The following TCF20 variants were observed in gnomAD, a reference collection of about 807,000 sequenced individuals.
The protein encoded by TCF20 is transcription factor 20.
Under a neutral mutation model 148.6 loss-of-function variants are expected in TCF20, and 3 were observed. The ratio of observed to expected loss-of-function variants is 0.02; its 90% CI spans 0.01 to 0.05. TCF20 has a LOEUF of 0.05. Ranked by LOEUF, TCF20 falls within the 10% of genes least tolerant of loss-of-function variation. TCF20 has a pLI of 1.00. For synonymous variants in TCF20, 1,049 were observed against 909.5 expected, an observed-to-expected ratio of 1.15 and a Z score of -2.76; for missense variants, 2,350 against 2,429.3, an observed-to-expected ratio of 0.97 and a Z score of 0.69.
At chr22:42,343,250 T>A (rs906947639) in intron 1 of TCF20, among the ~76,000 whole-genome samples, 1 of 152,024 alleles carries the variant, frequency 6.6e-6, no homozygotes, top group Non-Finnish European at 1.5e-5. Context: ...ATCTGTACAA[T>A]GGGGACAAAC....
upstream of TCF20, among the ~76,000 whole-genome samples, chr22:42,271,332 C>T (rs998057315): frequency 1.3e-5 from 2 of 152,258 alleles, no homozygotes; most frequent in Non-Finnish European, 2.9e-5. Context: ...CTGCCTTCTG[C>T]TGCGGCATTA....
chr22:42,309,947 T>C (rs1927503641), intron 1 of TCF20, among the ~76,000 whole-genome samples: 1 of 152,202 alleles, frequency 6.6e-6, no homozygotes, highest in African/African-American at 2.4e-5. Flanking sequence ...ACACTGGCCC[T>C]AATCTTACCC....
intron 1 of TCF20, among the ~76,000 whole-genome samples, chr22:42,249,506 T>A (rs1255475170): frequency 6.6e-6 from 1 of 152,210 alleles, no homozygotes; most frequent in Non-Finnish European, 1.5e-5. Flanking sequence ...GCAAAAAGGC[T>A]CTGATAAGTG....
intron 1 of TCF20, among the ~76,000 whole-genome samples, chr22:42,306,530 GTGCCCGTGGAACCCA>G (rs1927437645): frequency 1.3e-5 from 2 of 152,188 alleles, no homozygotes; most frequent in African/African-American, 2.4e-5. Context: ...GGCCTCCACT[GTGCCCGTGGAACCCA>G]TGGCTCACAG....
intron 1 of TCF20, among the ~76,000 whole-genome samples, chr22:42,336,715 C>T (rs1181833873): frequency 6.6e-6 from 1 of 152,208 alleles, no homozygotes; most frequent in African/African-American, 2.4e-5. Context: ...CTCCTTTCTG[C>T]CCCACACCCA....
chr22:42,184,320 C>T (rs1457933722), intron 2 of TCF20, among the ~76,000 whole-genome samples: 3 of 152,136 alleles, frequency 2.0e-5, no homozygotes, highest in East Asian at 1.9e-4. Context: ...TCATACCATA[C>T]CATGACGCCT....
chr22:42,275,475 C>T (rs956314192), upstream of TCF20, among the ~76,000 whole-genome samples: 5 of 152,208 alleles, frequency 3.3e-5, no homozygotes, highest in Admixed American at 2.6e-4. Context: ...AGTGGCTGGA[C>T]TCTCATCGGG....
chr22:42,270,507 G>GGCTCGCTCCGGCCCGCGC lies in TCF20; in HGVS notation c.-223_-206dup, dbSNP rs948945357. On this transcript the variant is annotated 5_prime_UTR_variant, in exon 1 of 6. Transcript: ENST00000677622. The stretch of plus-strand genomic sequence containing the variant: ...GCGGGCCGGGGCCGCGGCCCCTCGA[G>GGCTCGCTCCGGCCCGCGC]GCTCGCTCCGGCCCGCGCGCTCGCT... 2.8e-5 allele frequency among the ~76,000 whole-genome samples: 4 copies of GGCTCGCTCCGGCCCGCGC among 145,176 alleles called. No homozygotes were observed. The highest frequency in any genetic ancestry group is 9.9e-5 in the African/African-American group (4 of 40,546).
chr22:42,183,348 C>T (rs1936872515), intron 2 of TCF20, among the ~76,000 whole-genome samples: 1 of 152,106 alleles, frequency 6.6e-6, no homozygotes, highest in African/African-American at 2.4e-5. Flanking sequence ...AGTCAAGGAC[C>T]TTGAGATGGG....
chr22:42,300,836 C>T (rs1368664288), intron 1 of TCF20, among the ~76,000 whole-genome samples: 1 of 152,192 alleles, frequency 6.6e-6, no homozygotes, highest in East Asian at 1.9e-4. Flanking sequence ...CCTCCTCCCC[C>T]TGCCAAGACC....
rs781355092 is a variant in TCF20, at chr22:42,212,804, G to C, written c.2502C>G (p.Ile834Met). ...TGGGAATTGGATAGTCAGTCAAATTGATCTGTTTCATTTCAGGAGCTGTGC... is the reference window on the plus strand; with the variant it reads ...TGGGAATTGGATAGTCAGTCAAATTCATCTGTTTCATTTCAGGAGCTGTGC... ...SSSTAPEMKQ[I>M]NLTDYPIPRK... Residue 834 changes from isoleucine (I) to methionine (M), a missense_variant, in exon 2 of 6, where the codon ATC (isoleucine) becomes ATG (methionine). Physicochemically the swap from Ile to Met is conservative, Grantham distance 10. Around this residue, in one of 7 missense-constraint regions of TCF20, gnomAD observed 1,641 missense variants for 1,662.6 expected, o/e 0.99. Transcript: ENST00000677622. 11 of 1,614,190 alleles carry C rather than the reference G, an allele frequency of 6.8e-6. No homozygotes were observed. The highest frequency in any genetic ancestry group is 2.2e-5 in the South Asian group (2 of 91,082).
At chr22:42,328,196 G>A (rs778341583) in intron 1 of TCF20, among the ~76,000 whole-genome samples, 19 of 152,098 alleles carry the variant, frequency 1.2e-4, no homozygotes, top group Non-Finnish European at 2.2e-4. Flanking sequence ...CTCTACTCGG[G>A]AGAACCACAC....
chr22:42,275,766 G>A (rs1279776496), intron 1 of TCF20, among the ~76,000 whole-genome samples: 1 of 152,154 alleles, frequency 6.6e-6, no homozygotes, highest in African/African-American at 2.4e-5. Flanking sequence ...TCAGTCTTCT[G>A]GCTCCAAAGC....
intron 1 of TCF20, among the ~76,000 whole-genome samples, chr22:42,312,904 C>G (rs377307879): frequency 1.3e-5 from 2 of 152,318 alleles, no homozygotes; most frequent in African/African-American, 4.8e-5. Context: ...CTGCAGAGCC[C>G]AGGGGAAAGG....
chr22:42,222,158 C>G (rs1425960955), intron 1 of TCF20, among the ~76,000 whole-genome samples: 2 of 152,148 alleles, frequency 1.3e-5, no homozygotes, highest in African/African-American at 4.8e-5. Context: ...TTCTAAAAGA[C>G]AACAAATGCA....
At chr22:42,161,554 T>C (rs1935461161) in intron 5 of TCF20, among the ~76,000 whole-genome samples, 196 bp from the exon 6 acceptor site, 1 of 152,074 alleles carries the variant, frequency 6.6e-6, no homozygotes, top group African/African-American at 2.4e-5. Context: ...TGGAATGTGA[T>C]TAAAGGCAGC....
intron 1 of TCF20, among the ~76,000 whole-genome samples, chr22:42,301,466 AAT>A (rs1927335614): frequency 6.6e-6 from 1 of 152,186 alleles, no homozygotes; most frequent in Non-Finnish European, 1.5e-5. Flanking sequence ...TCCAAAGAGG[AAT>A]CCACCTGCAA....
chr22:42,285,126 C>G (rs1349407086), upstream of TCF20, among the ~76,000 whole-genome samples: 1 of 152,238 alleles, frequency 6.6e-6, no homozygotes, highest in Non-Finnish European at 1.5e-5. The surrounding 1 kb of genome is among the most constrained non-coding windows in gnomAD (Gnocchi z 4.2). Flanking sequence ...CCTCCAGGCC[C>G]TGCTCTGCCT....
chr22:42,224,048 T>C (rs931078404), intron 1 of TCF20, among the ~76,000 whole-genome samples: 1 of 152,158 alleles, frequency 6.6e-6, no homozygotes, highest in African/African-American at 2.4e-5. Flanking sequence ...CCCACAAGAA[T>C]GCTGCATATC....
Sources: allele counts gnomAD v4.1 joint callset (sites outside exome capture counted in the v4.1 genomes callset), GRCh38; gene constraint gnomAD v4.1.1; regional missense constraint gnomAD v4.1.1; non-coding constraint Gnocchi (gnomAD v3.1); transcripts MANE v1.5; gene names NCBI Gene and HGNC (gene_info 2026-07-23, HGNC 2026-07-21).